FRMD4A: variants seen among roughly 807,000 people sequenced by gnomAD.
FRMD4A encodes the protein FERM domain-containing protein 4A.
In FRMD4A, 29 loss-of-function variants were observed where a neutral mutation model predicts 129.1. That is an observed-to-expected ratio of 0.22 (90% CI 0.17 to 0.31). FRMD4A has a LOEUF of 0.31. Among genes scored for constraint, FRMD4A ranks in the 10% least tolerant of loss-of-function variants. FRMD4A has a pLI of 1.00. For missense variants in FRMD4A, 1,272 were observed against 1,375.8 expected (o/e 0.92, Z 1.19); for synonymous variants, 634 against 571.6 (o/e 1.11, Z -1.56).
intron 2 of FRMD4A, among the ~76,000 whole-genome samples, chr10:13,907,415 A>G (rs1201068901): frequency 6.6e-6 from 1 of 152,222 alleles, no homozygotes; most frequent in Non-Finnish European, 1.5e-5. Flanking sequence ...GCTCAGGAAC[A>G]TTAAGTAACT....
At chr10:14,012,910 TATTTTGTTC>T (rs1324416039) in intron 2 of FRMD4A, among the ~76,000 whole-genome samples, 1 of 152,322 alleles carries the variant, frequency 6.6e-6, no homozygotes, top group Middle Eastern at 3.4e-3. Context: ...TTCATTGCTT[TATTTTGTTC>T]ATTTGGCAGA....
At chr10:14,088,561 G>A (rs991569992) in intron 2 of FRMD4A, among the ~76,000 whole-genome samples, 1 of 151,742 alleles carries the variant, frequency 6.6e-6, no homozygotes, top group African/African-American at 2.4e-5. Context: ...AAGGTCAAGG[G>A]GTCAAGACAA....
intron 2 of FRMD4A, among the ~76,000 whole-genome samples, chr10:14,090,565 C>A (rs1445069943): frequency 6.6e-6 from 1 of 152,180 alleles, no homozygotes; most frequent in Non-Finnish European, 1.5e-5. Flanking sequence ...CAGGCAGCAT[C>A]CCCCCAGCCG....
At chr10:14,185,599 G>C (rs567710446) in intron 2 of FRMD4A, among the ~76,000 whole-genome samples, 1 of 145,408 alleles carries the variant, frequency 6.9e-6, no homozygotes, top group African/African-American at 2.5e-5. Context: ...AGAGAAACAG[G>C]TAGAGAGACA....
intron 2 of FRMD4A, among the ~76,000 whole-genome samples, chr10:13,873,743 C>T (rs1487570941): frequency 2.0e-5 from 3 of 151,872 alleles, no homozygotes; most frequent in Non-Finnish European, 4.4e-5. Flanking sequence ...GATGGAGTTT[C>T]ACCATGTTGG....
chr10:13,860,694 G>A (rs551566099), intron 2 of FRMD4A, among the ~76,000 whole-genome samples: 4 of 152,208 alleles, frequency 2.6e-5, no homozygotes. Context: ...TTTCCTCAAG[G>A]AAAGATAAAA....
intron 2 of FRMD4A, among the ~76,000 whole-genome samples, chr10:14,271,767 G>T (rs895565588): frequency 6.6e-6 from 1 of 152,202 alleles, no homozygotes. Context: ...GGGAAGTCAG[G>T]GAAGCATTTT....
chr10:14,071,798 G>T (rs778074468), intron 2 of FRMD4A, among the ~76,000 whole-genome samples: 3 of 152,116 alleles, frequency 2.0e-5, no homozygotes, highest in Admixed American at 6.5e-5. Flanking sequence ...AGTAAGTGTT[G>T]AATGTAGAAG....
chr10:13,899,303 A>T (rs935151268), intron 2 of FRMD4A, among the ~76,000 whole-genome samples: 1 of 152,258 alleles, frequency 6.6e-6, no homozygotes, highest in African/African-American at 2.4e-5. Context: ...TGTATTAGGC[A>T]GTGCTAGAGC....
intron 2 of FRMD4A, among the ~76,000 whole-genome samples, chr10:14,185,533 G>C (rs140050214): frequency 6.6e-6 from 1 of 152,166 alleles, no homozygotes; most frequent in Admixed American, 6.5e-5. Flanking sequence ...GTAGAACTAT[G>C]GAAACTTGAA....
chr10:13,811,392 C>T (rs951739596), intron 3 of FRMD4A, among the ~76,000 whole-genome samples: 6 of 151,692 alleles, frequency 4.0e-5, no homozygotes, highest in Non-Finnish European at 8.8e-5. Context: ...CTCAGCCTCC[C>T]AAAGTGCTGT....
chr10:13,680,736 T>A (rs1043285446), intron 15 of FRMD4A, among the ~76,000 whole-genome samples: 14 of 150,144 alleles, frequency 9.3e-5, no homozygotes, highest in Admixed American at 6.0e-4. Flanking sequence ...AAAAAAAAAA[T>A]TTAAAAAAAA....
chr10:13,858,998 C>T (rs775126907), intron 2 of FRMD4A, 86 bp from the exon 3 acceptor site: 1 of 826,098 alleles, frequency 1.2e-6, no homozygotes, highest in East Asian at 2.4e-5. Context: ...CTCTGCCAGG[C>T]ATATTCCTCT....
intron 2 of FRMD4A, among the ~76,000 whole-genome samples, chr10:14,292,887 C>T (rs539475417): frequency 1.8e-4 from 27 of 152,012 alleles, no homozygotes; most frequent in Non-Finnish European, 3.4e-4. Context: ...ATACATAATC[C>T]ATTAAAGAAG....
chr10:13,919,862 C>G (rs560556163), intron 2 of FRMD4A, among the ~76,000 whole-genome samples: 2 of 152,102 alleles, frequency 1.3e-5, no homozygotes, highest in Non-Finnish European at 2.9e-5. Flanking sequence ...TGCTTGAACC[C>G]AAGAGGCAGA....
intron 2 of FRMD4A, among the ~76,000 whole-genome samples, chr10:14,277,259 G>A (rs1324198038): frequency 6.6e-6 from 1 of 152,174 alleles, no homozygotes; most frequent in Non-Finnish European, 1.5e-5. Context: ...GCCCCAGAAA[G>A]GATGAAAGAG....
At chr10:14,316,915 A>G (rs1846762249) in intron 2 of FRMD4A, among the ~76,000 whole-genome samples, 1 of 152,192 alleles carries the variant, frequency 6.6e-6, no homozygotes, top group South Asian at 2.1e-4. Context: ...TTAGTTCTTA[A>G]TGAGAGTCAA....
At chr10:13,750,069 G>GAAAGA (rs2091502310) in intron 8 of FRMD4A, among the ~76,000 whole-genome samples, 52 of 55,654 alleles carry the variant, frequency 9.3e-4, no homozygotes, top group South Asian at 1.4e-3. Context: ...AGGAAGGAAG[G>GAAAGA]AAGAAAGAAA....
chr10:13,771,882 C>T (rs1228721267), intron 6 of FRMD4A, among the ~76,000 whole-genome samples: 1 of 151,936 alleles, frequency 6.6e-6, no homozygotes, highest in East Asian at 1.9e-4. Flanking sequence ...GAGTTCAAGA[C>T]CAGCCTGGGC....
Sources: allele counts gnomAD v4.1 joint callset (sites outside exome capture counted in the v4.1 genomes callset), GRCh38; gene constraint gnomAD v4.1.1; transcripts MANE v1.5; gene names NCBI Gene and HGNC (gene_info 2026-07-23, HGNC 2026-07-21).